Variants in LNPK observed in about 807,000 individuals in gnomAD.
LNPK encodes the protein lunapark, ER junction formation factor.
A neutral mutation model predicts 55.2 loss-of-function variants in LNPK; 29 were observed. The observed-to-expected ratio is 0.53, with a 90% CI of 0.39 to 0.72. LNPK has a LOEUF of 0.72. Among genes scored for constraint, LNPK ranks in the 30% least tolerant of loss-of-function variants. The pLI, the probability that LNPK is intolerant of heterozygous loss-of-function variation, is 0.00. For missense variants in LNPK, 467 were observed against 494.8 expected, an observed-to-expected ratio of 0.94 and a Z score of 0.53; for synonymous variants, 162 against 168.2, an observed-to-expected ratio of 0.96 and a Z score of 0.29.
At chr2:175,979,165 G>T in intron 5 of LNPK, among the ~76,000 whole-genome samples, 2 of 151,854 alleles carry the variant, frequency 1.3e-5, no homozygotes, top group South Asian at 4.2e-4. Context: ...AATATACGGG[G>T]TGAAAAAAAT....
chr2:175,991,620 C>T (rs1687705890), intron 4 of LNPK, among the ~76,000 whole-genome samples: 1 of 152,150 alleles, frequency 6.6e-6, no homozygotes, highest in Admixed American at 6.5e-5. Flanking sequence ...CTAAGATATA[C>T]AGTCAGAGAA....
intron 4 of LNPK, 135 bp from the exon 5 acceptor site, chr2:175,980,003 C>T (rs976090661): frequency 9.1e-6 from 7 of 768,918 alleles, no homozygotes; most frequent in Non-Finnish European, 9.7e-6. Flanking sequence ...AACTAAAAAG[C>T]GTTTATTTCT....
intron 5 of LNPK, among the ~76,000 whole-genome samples, chr2:175,974,789 C>T (rs183993203): frequency 6.6e-6 from 1 of 151,978 alleles, no homozygotes; most frequent in African/African-American, 2.4e-5. Context: ...GACTGCAAGA[C>T]AATCTTTTAC....
chr2:175,976,254 T>C (rs1230095077), intron 5 of LNPK, among the ~76,000 whole-genome samples: 1 of 152,194 alleles, frequency 6.6e-6, no homozygotes, highest in African/African-American at 2.4e-5. Context: ...AAAAACAGAC[T>C]AGTGAAGAAG....
In LNPK at chr2:175,929,724, A is replaced by C. The variant is rs548018919; in HGVS notation, c.*243T>G. 3 of 1,323,714 alleles carry C rather than the reference A, an allele frequency of 2.3e-6. No homozygotes were observed. The African/African-American group carries it at 4.4e-5, about 20-fold the overall frequency. The allele number at this position is 1,323,714 out of a possible 1,614,324, so 82.0% of individuals were successfully genotyped here. A position where few individuals can be genotyped will look rare whatever the true frequency, so the allele number is the denominator to read the frequency against. On this transcript the variant is annotated 3_prime_UTR_variant, in exon 13 of 13. Coordinates refer to ENST00000272748, the MANE Select transcript of LNPK (RefSeq NM_030650.3). ...TAGAATGGACAAAAAAGTATCTAAAAGCTGTCTCAATAGTGTGGGTCTTTG... is the reference window on the plus strand; with the variant it reads ...TAGAATGGACAAAAAAGTATCTAAACGCTGTCTCAATAGTGTGGGTCTTTG...
intron 5 of LNPK, among the ~76,000 whole-genome samples, chr2:175,974,599 A>C (rs971327080): frequency 2.6e-5 from 4 of 152,240 alleles, no homozygotes; most frequent in African/African-American, 9.6e-5. Context: ...TAATTTAAAA[A>C]TATAAAAGCC....
intron 8 of LNPK, among the ~76,000 whole-genome samples, chr2:175,955,001 G>A (rs1685624694): frequency 6.6e-6 from 1 of 152,162 alleles, no homozygotes; most frequent in South Asian, 2.1e-4. Flanking sequence ...AAGAGGTGAG[G>A]ACTGACAACT....
chr2:175,980,904 CAA>C (rs369143349), intron 4 of LNPK, among the ~76,000 whole-genome samples: 16 of 99,528 alleles, frequency 1.6e-4, no homozygotes, highest in East Asian at 3.1e-4. Flanking sequence ...AAGACTGTCC[CAA>C]AAAAAAAAAA....
At chr2:175,995,803 C>CTT (rs1559078193) in intron 1 of LNPK, among the ~76,000 whole-genome samples, 157 bp from the exon 2 acceptor site, 3 of 67,246 alleles carry the variant, frequency 4.5e-5, no homozygotes, top group African/African-American at 1.2e-4. Context: ...ATAGAGTCTA[C>CTT]CTTTTTTTTT....
intron 12 of LNPK, among the ~76,000 whole-genome samples, chr2:175,933,141 T>C (rs1478491269): frequency 1.3e-5 from 2 of 152,178 alleles, no homozygotes; most frequent in East Asian, 3.9e-4. Context: ...CACCCCAACC[T>C]CAATATTCTT....
chr2:175,992,639 G>A (rs764865982), intron 3 of LNPK, among the ~76,000 whole-genome samples: 9 of 152,004 alleles, frequency 5.9e-5, no homozygotes, highest in Non-Finnish European at 8.8e-5. Context: ...TTTTTACAAT[G>A]CAAAGTTAGT....
At chr2:175,960,886 T>C (rs1001163531) in intron 8 of LNPK, among the ~76,000 whole-genome samples, 24 of 152,098 alleles carry the variant, frequency 1.6e-4, no homozygotes, top group South Asian at 8.3e-4. Context: ...ATATCACCAC[T>C]GATCCCACAG....
At chr2:175,983,752 T>G (rs1687283142) in intron 4 of LNPK, among the ~76,000 whole-genome samples, 1 of 151,726 alleles carries the variant, frequency 6.6e-6, no homozygotes, top group Non-Finnish European at 1.5e-5. Flanking sequence ...ACCCCAATGG[T>G]TAAACTTTTT....
chr2:176,001,272 TAG>T (rs1429866509), intron 1 of LNPK, among the ~76,000 whole-genome samples: 3 of 152,062 alleles, frequency 2.0e-5, no homozygotes, highest in Non-Finnish European at 2.9e-5. Flanking sequence ...CGCTGTTGAA[TAG>T]AGTCAATTTT....
chr2:175,933,731 G>GTTTTTTTTTT (rs34348423), intron 12 of LNPK, among the ~76,000 whole-genome samples: 1 of 122,110 alleles, frequency 8.2e-6, no homozygotes, highest in East Asian at 2.4e-4. Flanking sequence ...CAAGTTAAGG[G>GTTTTTTTTTT]TTTTTTTTTT....
chr2:175,953,959 G>A (rs139047232), intron 8 of LNPK, among the ~76,000 whole-genome samples: 1 of 151,972 alleles, frequency 6.6e-6, no homozygotes, highest in African/African-American at 2.4e-5. Flanking sequence ...CCTTTTTCAG[G>A]GATATGGCAA....
intron 1 of LNPK, among the ~76,000 whole-genome samples, chr2:175,997,179 A>C (rs1459942572): frequency 6.6e-6 from 1 of 152,192 alleles, no homozygotes; most frequent in Non-Finnish European, 1.5e-5. Flanking sequence ...ATTTTTAAGG[A>C]CAGAAACACC....
At chr2:175,979,740 C>T (rs1687082543) in intron 5 of LNPK, 70 bp downstream of exon 5, 2 of 1,259,312 alleles carry the variant, frequency 1.6e-6, no homozygotes, top group Non-Finnish European at 2.2e-6. Context: ...TATTTTACAA[C>T]CTGTCTTACC....
chr2:175,971,110 T>C (rs1434280404), intron 5 of LNPK, among the ~76,000 whole-genome samples: 1 of 152,086 alleles, frequency 6.6e-6, no homozygotes, highest in Non-Finnish European at 1.5e-5. Flanking sequence ...TACTATTTCT[T>C]TTTCCTTTCA....
Sources: allele counts gnomAD v4.1 joint callset (sites outside exome capture counted in the v4.1 genomes callset), GRCh38; gene constraint gnomAD v4.1.1; transcripts MANE v1.5; gene names NCBI Gene and HGNC (gene_info 2026-07-23, HGNC 2026-07-21).